Variants in SLC35F1 observed in about 807,000 individuals in gnomAD.
SLC35F1 encodes chromosome 6 open reading frame 169.
A neutral mutation model predicts 48.7 loss-of-function variants in SLC35F1; 14 were observed. That is an observed-to-expected ratio of 0.29 (90% CI 0.19 to 0.45). The LOEUF (loss-of-function observed/expected upper bound fraction) is 0.45, where lower values mean the gene tolerates loss of function less well. Ranked by LOEUF, SLC35F1 falls within the 20% of genes least tolerant of loss-of-function variation. SLC35F1 has a pLI of 1.00. For missense variants in SLC35F1, 404 were observed against 500.0 expected, an observed-to-expected ratio of 0.81 and a Z score of 1.83; for synonymous variants, 190 against 202.2, an observed-to-expected ratio of 0.94 and a Z score of 0.51.
At chr6:117,937,860 C>T (rs1226758636) in intron 1 of SLC35F1, among the ~76,000 whole-genome samples, 1 of 152,082 alleles carries the variant, frequency 6.6e-6, no homozygotes, top group Non-Finnish European at 1.5e-5. Flanking sequence ...CATGTTACAC[C>T]CTCTACTTGT....
intron 5 of SLC35F1, 126 bp from the exon 6 acceptor site, chr6:118,277,364 ATTCT>A (rs1775930598): frequency 1.2e-6 from 1 of 839,778 alleles, no homozygotes; most frequent in East Asian, 2.5e-5. Context: ...ATGACCCAAA[ATTCT>A]TTCTGAAATT....
chr6:118,170,319 A>G (rs1427788256), intron 2 of SLC35F1, among the ~76,000 whole-genome samples: 1 of 152,244 alleles, frequency 6.6e-6, no homozygotes, highest in African/African-American at 2.4e-5. Context: ...ACTTTATAGA[A>G]TAGATATAAC....
At position 118,181,765 on chromosome 6, in the gene SLC35F1, G is replaced by A. The variant is rs376110103; in HGVS notation, c.349+27145G>A. Among the ~76,000 whole-genome samples, 20 of 152,062 alleles carry A rather than the reference G, an allele frequency of 1.3e-4. No individual in the cohort carries two copies. In the South Asian group the frequency reaches 3.5e-3, roughly 27 times the overall value. ...TACAATAAGGAAAAAAATAAATTTG[G>A]TAAACTCCAAAAAGAGAGCTACTTT... On this transcript the variant is annotated intron_variant, in intron 2 of 7. Coordinates refer to ENST00000360388, the MANE Select transcript of SLC35F1 (RefSeq NM_001029858.4).
chr6:117,920,016 G>A (rs952179387), intron 1 of SLC35F1, among the ~76,000 whole-genome samples: 1 of 152,224 alleles, frequency 6.6e-6, no homozygotes, highest in Non-Finnish European at 1.5e-5. Flanking sequence ...GGACAGAGCC[G>A]CTTTAATGTG....
chr6:118,158,495 A>G (rs2114475503), intron 2 of SLC35F1, among the ~76,000 whole-genome samples: 2 of 152,218 alleles, frequency 1.3e-5, no homozygotes, highest in East Asian at 3.8e-4. Flanking sequence ...TGGGCCACCT[A>G]TCAGCATGAA....
At chr6:117,971,678 C>T (rs1776640509) in intron 1 of SLC35F1, among the ~76,000 whole-genome samples, 1 of 152,270 alleles carries the variant, frequency 6.6e-6, no homozygotes, top group South Asian at 2.1e-4. Context: ...CCTGCAGGCC[C>T]AATGCCACAT....
intron 1 of SLC35F1, among the ~76,000 whole-genome samples, chr6:117,919,159 G>A (rs1775864758): frequency 6.6e-6 from 1 of 152,136 alleles, no homozygotes; most frequent in Admixed American, 6.5e-5. Context: ...GACTCCCAGT[G>A]TGTTGGAATT....
intron 2 of SLC35F1, among the ~76,000 whole-genome samples, chr6:118,191,654 TA>T (rs1455246541): frequency 1.3e-4 from 20 of 152,158 alleles, no homozygotes; most frequent in Non-Finnish European, 2.8e-4. Context: ...TCTTGGGTTC[TA>T]GATTGTAAAG....
At chr6:117,921,690 A>G (rs996083896) in intron 1 of SLC35F1, among the ~76,000 whole-genome samples, 1 of 152,216 alleles carries the variant, frequency 6.6e-6, no homozygotes, top group Non-Finnish European at 1.5e-5. Flanking sequence ...TCTTAGGCTG[A>G]TAAATGAACT....
intron 2 of SLC35F1, among the ~76,000 whole-genome samples, chr6:118,199,746 A>C (rs1774849241): frequency 6.6e-6 from 1 of 152,232 alleles, no homozygotes; most frequent in South Asian, 2.1e-4. Context: ...TTCTATGGAC[A>C]GTAATTATTT....
chr6:117,948,516 C>T (rs1776322188), intron 1 of SLC35F1, among the ~76,000 whole-genome samples: 1 of 152,144 alleles, frequency 6.6e-6, no homozygotes, highest in Non-Finnish European at 1.5e-5. Flanking sequence ...AGGGTCTAGA[C>T]TTGTCATCAT....
chr6:118,260,612 T>C (rs776622904), intron 3 of SLC35F1, among the ~76,000 whole-genome samples: 4 of 152,150 alleles, frequency 2.6e-5, no homozygotes, highest in Non-Finnish European at 5.9e-5. Context: ...GAATGTAGTG[T>C]TTCCTTATGG....
intron 1 of SLC35F1, among the ~76,000 whole-genome samples, chr6:117,979,753 A>G (rs572437069): frequency 6.6e-6 from 1 of 152,310 alleles, no homozygotes; most frequent in African/African-American, 2.4e-5. Context: ...GAGAAAATCC[A>G]GTTCTGCTTC....
At chr6:118,254,020 C>G (rs984327671) in intron 3 of SLC35F1, among the ~76,000 whole-genome samples, 8 of 151,866 alleles carry the variant, frequency 5.3e-5, no homozygotes, top group African/African-American at 1.9e-4. Flanking sequence ...GCTGCTGGAG[C>G]AAAGCCTCAG....
At chr6:118,015,536 G>T (rs143803387) in intron 1 of SLC35F1, among the ~76,000 whole-genome samples, 1 of 151,768 alleles carries the variant, frequency 6.6e-6, no homozygotes, top group Admixed American at 6.6e-5. Flanking sequence ...AGAACATGCG[G>T]TGTTTGGGTT....
chr6:117,975,914 A>G (rs1201015480), intron 1 of SLC35F1, among the ~76,000 whole-genome samples: 1 of 152,246 alleles, frequency 6.6e-6, no homozygotes. Flanking sequence ...AGCACAGTAC[A>G]TCGTACTCGC....
At chr6:118,235,130 A>G (rs909526460) in intron 2 of SLC35F1, among the ~76,000 whole-genome samples, 1 of 152,146 alleles carries the variant, frequency 6.6e-6, no homozygotes, top group Non-Finnish European at 1.5e-5. Context: ...TATCTATTTT[A>G]TCACAATCCT....
intron 2 of SLC35F1, among the ~76,000 whole-genome samples, chr6:118,190,800 A>G (rs918230397): frequency 4.6e-5 from 7 of 152,172 alleles, no homozygotes; most frequent in African/African-American, 1.7e-4. Context: ...TAGATCAAAG[A>G]ATTAGTTAGT....
chr6:118,067,861 G>C (rs1011290073), intron 1 of SLC35F1, among the ~76,000 whole-genome samples: 1 of 152,088 alleles, frequency 6.6e-6, no homozygotes, highest in African/African-American at 2.4e-5. Flanking sequence ...CAGTAGACCT[G>C]GGTGGGAGTC....
Sources: gnomAD v4.1 joint callset for allele counts (sites outside exome capture counted in the v4.1 genomes callset) on GRCh38, gnomAD v4.1.1 for gene constraint, MANE v1.5 for transcripts, NCBI Gene and HGNC (gene_info 2026-07-23, HGNC 2026-07-21) for gene names.